The following FBRSL1 variants were observed in gnomAD, a reference collection of about 807,000 sequenced individuals.
The protein encoded by FBRSL1 is fibrosin-1-like protein.
A neutral mutation model predicts 89.6 loss-of-function variants in FBRSL1; 51 were observed. The observed-to-expected ratio is 0.57, with a 90% CI of 0.45 to 0.72. The LOEUF is 0.72. Among genes scored for constraint, FBRSL1 ranks in the 30% least tolerant of loss-of-function variants. The pLI is 0.00. For missense variants in FBRSL1, 1,618 were observed against 1,451.8 expected (o/e 1.11, Z -1.86); for synonymous variants, 779 against 681.1 (o/e 1.14, Z -2.24).
chr12:132,500,621 T>C (rs947686629), intron 1 of FBRSL1, among the ~76,000 whole-genome samples: 11 of 152,272 alleles, frequency 7.2e-5, no homozygotes, highest in African/African-American at 2.6e-4. Context: ...CTCATCCAGC[T>C]GCTGTCCTGC....
chr12:132,582,952 T>A lies in FBRSL1; in HGVS notation c.2202-19T>A, dbSNP rs2040883641. The A allele has an allele frequency of 2.2e-6, 3 of 1,393,752 alleles. No individual in the cohort carries two copies. Among genetic ancestry groups the A allele is most frequent in the African/African-American group, 1.5e-5 (1 of 65,036 alleles). 86.3% of individuals were successfully genotyped at this position (1,393,752 alleles called of 1,614,324 possible). On this transcript the variant is annotated intron_variant, in intron 18 of 18. Coordinates refer to ENST00000680143, the MANE Select transcript of FBRSL1 (RefSeq NM_001367871.1). ...GGACGGAGGTCTCGGGAGTGACGGG[T>A]CCGCCCTGCCGCCCCCAGGGACCTC... is the stretch of plus-strand genomic sequence containing the variant.
chr12:132,528,607 G>GGGGGGAGCGGGTGTGTGTCC (rs1271905124), intron 4 of FBRSL1, among the ~76,000 whole-genome samples: 1 of 151,778 alleles, frequency 6.6e-6, no homozygotes, highest in African/African-American at 2.4e-5. Context: ...GTGTCTGCCT[G>GGGGGGAGCGGGTGTGTGTCC]GGGGGAGCGG....
intron 1 of FBRSL1, among the ~76,000 whole-genome samples, chr12:132,492,090 CGT>C (rs1566087197): frequency 6.6e-6 from 1 of 152,222 alleles, no homozygotes; most frequent in East Asian, 1.9e-4. Flanking sequence ...ACAGACTGTA[CGT>C]GTACTGAGCA....
chr12:132,549,162 C>T (rs1028708319), intron 5 of FBRSL1, among the ~76,000 whole-genome samples: 9 of 152,184 alleles, frequency 5.9e-5, no homozygotes, highest in African/African-American at 1.4e-4. Flanking sequence ...GAGGCCGCAC[C>T]GTCGCCGCGG....
chr12:132,547,995 C>G lies in FBRSL1; in HGVS notation c.616-8C>G, dbSNP rs1245359274. ...CCCCGACTCACTTCTGTCTCTCTGT[C>G]CCTGCAGTGTGACAGCGAGAGCGGC... On this transcript the variant is annotated splice_polypyrimidine_tract_variant and splice_region_variant and intron_variant, in intron 4 of 18. Transcript: ENST00000680143. 6 of 1,549,958 alleles carry G rather than the reference C, an allele frequency of 3.9e-6. No individual in the cohort carries two copies. In the African/African-American group the frequency reaches 4.1e-5, roughly 11 times the overall value.
At chr12:132,510,339 T>G in intron 2 of FBRSL1, 1 of 1,230,138 alleles carries the variant, frequency 8.1e-7, no homozygotes, top group South Asian at 4.1e-5. Flanking sequence ...GCCCCGGCTC[T>G]CGCTCCTGGC....
chr12:132,507,581 C>A (rs534900493), intron 1 of FBRSL1, among the ~76,000 whole-genome samples: 3 of 152,192 alleles, frequency 2.0e-5, no homozygotes, highest in African/African-American at 7.2e-5. Flanking sequence ...GGGGGTGTCC[C>A]CAGGGTCTGG....
At chr12:132,551,167 G>T in intron 5 of FBRSL1, 2 of 348,246 alleles carry the variant, frequency 5.7e-6, no homozygotes, top group East Asian at 1.5e-4. Flanking sequence ...AGGAACATGG[G>T]GGTGCTTCGC....
chr12:132,564,092 C>T (rs1176436573), intron 5 of FBRSL1, among the ~76,000 whole-genome samples: 1 of 152,216 alleles, frequency 6.6e-6, no homozygotes, highest in Non-Finnish European at 1.5e-5. Context: ...GTTTCTGAGG[C>T]TCACAGAGCG....
intron 1 of FBRSL1, among the ~76,000 whole-genome samples, chr12:132,496,826 T>C (rs995654794): frequency 2.1e-5 from 3 of 141,160 alleles, no homozygotes; most frequent in Non-Finnish European, 4.7e-5. Context: ...GCCCCGCGCT[T>C]CCTTCCCAGG....
chr12:132,548,147 C>G, intron 5 of FBRSL1, 115 bp downstream of exon 5: 1 of 1,300,630 alleles, frequency 7.7e-7, no homozygotes, highest in South Asian at 1.4e-5. Context: ...TTGGGGGGAT[C>G]CCCCCGCCCG....
chr12:132,568,040 G>A (rs933263447), intron 6 of FBRSL1, among the ~76,000 whole-genome samples: 1 of 148,418 alleles, frequency 6.7e-6, no homozygotes, highest in Non-Finnish European at 1.5e-5. Flanking sequence ...CTCTCCAGAG[G>A]GGGTAGCCCC....
chr12:132,519,402 G>A (rs1292781339), intron 2 of FBRSL1, among the ~76,000 whole-genome samples: 2 of 152,026 alleles, frequency 1.3e-5, no homozygotes, highest in East Asian at 3.8e-4. Flanking sequence ...GGAGGGGATG[G>A]CATGCTTTGC....
chr12:132,544,371 G>A (rs181109729), intron 4 of FBRSL1, among the ~76,000 whole-genome samples: 222 of 152,188 alleles, frequency 1.5e-3, no homozygotes, highest in Non-Finnish European at 2.2e-4. Flanking sequence ...ACTTGATATC[G>A]GGGTCTCCTC....
rs185505983 is a variant in FBRSL1 at position 132,581,235 on chromosome 12, C to T, written c.1835-204C>T. ...TGGGGTCCCAGGATGGCTGCCACTG[C>T]GGCTCCAAGTCAAACCTCCTCCGAA... On this transcript the variant is annotated intron_variant, in intron 15 of 18. Transcript: ENST00000680143. 1.9e-4 allele frequency: 182 copies of T among 983,110 alleles called. No individual in the cohort carries two copies. In the East Asian group the frequency reaches 7.4e-3, roughly 40 times the overall value. 60.9% of individuals were successfully genotyped at this position (983,110 alleles called of 1,614,324 possible). A position where few individuals can be genotyped will look rare whatever the true frequency, so the allele number is the denominator to read the frequency against.
chr12:132,533,732 G>A (rs2036491296), intron 4 of FBRSL1, among the ~76,000 whole-genome samples: 1 of 152,262 alleles, frequency 6.6e-6, no homozygotes, highest in African/African-American at 2.4e-5. Flanking sequence ...CCTCAGCACA[G>A]CCTGACTCTG....
intron 4 of FBRSL1, among the ~76,000 whole-genome samples, chr12:132,531,004 G>T (rs1035784326): frequency 4.1e-5 from 6 of 147,818 alleles, no homozygotes; most frequent in Admixed American, 2.0e-4. Context: ...TGGGGGGGGG[G>T]GTGCAGGTGA....
chr12:132,582,970 G>A lies in FBRSL1; in HGVS notation c.2202-1G>A, dbSNP rs1382342353. On this transcript the variant is annotated splice_acceptor_variant, in intron 18 of 18. Coordinates refer to ENST00000680143, the MANE Select transcript of FBRSL1 (RefSeq NM_001367871.1). LOFTEE classifies it high-confidence loss of function. ...TGACGGGTCCGCCCTGCCGCCCCCA[G>A]GGACCTCCTGGAGAAGACGCGCCTG... The A allele has an allele frequency of 7.0e-7, 1 of 1,418,948 alleles. No individual in the cohort carries two copies. The highest frequency in any genetic ancestry group is 9.1e-7 in the Non-Finnish European group (1 of 1,095,684). The allele number at this position is 1,418,948 out of a possible 1,614,324, so 87.9% of individuals were successfully genotyped here. A position where few individuals can be genotyped will look rare whatever the true frequency, so the allele number is the denominator to read the frequency against.
intron 1 of FBRSL1, among the ~76,000 whole-genome samples, chr12:132,505,255 C>T (rs1463713839): frequency 6.6e-6 from 1 of 152,226 alleles, no homozygotes; most frequent in Non-Finnish European, 1.5e-5. Context: ...TGCAGGGCCC[C>T]CACCCGGAGC....
Sources: allele counts gnomAD v4.1 joint callset (sites outside exome capture counted in the v4.1 genomes callset), GRCh38; gene constraint gnomAD v4.1.1; transcripts MANE v1.5; gene names NCBI Gene and HGNC (gene_info 2026-07-23, HGNC 2026-07-21).